The following STAU2 variants were observed in gnomAD, a reference collection of about 807,000 sequenced individuals.
The protein encoded by STAU2 is double-stranded RNA-binding protein Staufen homolog 2.
In STAU2, 20 loss-of-function variants were observed where a neutral mutation model predicts 65.9. That is an observed-to-expected ratio of 0.30 (90% CI 0.21 to 0.44). The LOEUF (loss-of-function observed/expected upper bound fraction) is 0.44. Among genes scored for constraint, STAU2 ranks in the 20% least tolerant of loss-of-function variants. The probability of loss-of-function intolerance (pLI) is 1.00; values close to 1 mark genes in which losing one functional copy is unlikely to be tolerated. For missense variants in STAU2, 558 were observed against 683.9 expected, an observed-to-expected ratio of 0.82 and a Z score of 2.05; for synonymous variants, 232 against 233.9, an observed-to-expected ratio of 0.99 and a Z score of 0.07.
intron 3 of STAU2, among the ~76,000 whole-genome samples, chr8:73,725,760 C>A (rs767886213): frequency 2.0e-5 from 3 of 152,266 alleles, no homozygotes; most frequent in Non-Finnish European, 2.9e-5. Context: ...TGGCAAAACA[C>A]CTTCTCAACA....
chr8:73,588,702 T>C (rs1051345506), intron 11 of STAU2, among the ~76,000 whole-genome samples: 20 of 152,184 alleles, frequency 1.3e-4, no homozygotes, highest in African/African-American at 4.6e-4. Flanking sequence ...AAAAGCTATA[T>C]GCTCCTGGGG....
At chr8:73,589,921 GGAGGAA>G (rs1466595433) in intron 11 of STAU2, among the ~76,000 whole-genome samples, 12 of 151,730 alleles carry the variant, frequency 7.9e-5, no homozygotes, top group African/African-American at 2.7e-4. Flanking sequence ...AGAAGCAGGA[GGAGGAA>G]GAGGAAGAGG....
At chr8:73,490,784 G>A (rs1490960055) in intron 13 of STAU2, among the ~76,000 whole-genome samples, 4 of 151,878 alleles carry the variant, frequency 2.6e-5, no homozygotes, top group African/African-American at 9.7e-5. Flanking sequence ...TCCTTCTAAA[G>A]TAGGAAATTT....
chr8:73,716,788 G>A (rs1222988467), intron 3 of STAU2, among the ~76,000 whole-genome samples: 1 of 151,940 alleles, frequency 6.6e-6, no homozygotes, highest in Non-Finnish European at 1.5e-5. Flanking sequence ...ACAAGTTACT[G>A]ATTAGACATA....
chr8:73,639,356 C>A (rs1334010764), intron 6 of STAU2, among the ~76,000 whole-genome samples: 2 of 152,068 alleles, frequency 1.3e-5, no homozygotes, highest in African/African-American at 2.4e-5. Context: ...TTTCTATGCT[C>A]TTTGAAGGGA....
chr8:73,548,850 G>C (rs1327066716), intron 13 of STAU2, among the ~76,000 whole-genome samples: 1 of 152,160 alleles, frequency 6.6e-6, no homozygotes, highest in East Asian at 1.9e-4. Context: ...GGGACGATTT[G>C]CTAAAATAAT....
intron 13 of STAU2, among the ~76,000 whole-genome samples, chr8:73,511,816 T>G (rs1822421352): frequency 6.6e-6 from 1 of 152,228 alleles, no homozygotes; most frequent in Non-Finnish European, 1.5e-5. Context: ...GTGTCATATC[T>G]AAGAACTCTT....
At chr8:73,717,310 T>C (rs1821317712) in intron 3 of STAU2, among the ~76,000 whole-genome samples, 1 of 151,074 alleles carries the variant, frequency 6.6e-6, no homozygotes, top group East Asian at 2.0e-4. Context: ...TTATAGTTTG[T>C]ACTTTTAATG....
chr8:73,442,121 G>T (rs1388178686), intron 13 of STAU2, among the ~76,000 whole-genome samples: 1 of 152,236 alleles, frequency 6.6e-6, no homozygotes, highest in South Asian at 2.1e-4. Flanking sequence ...TTGGGAGGCC[G>T]AGGTGGGCGG....
chr8:73,446,972 T>G (rs1818502474), intron 13 of STAU2, among the ~76,000 whole-genome samples: 1 of 152,210 alleles, frequency 6.6e-6, no homozygotes, highest in East Asian at 1.9e-4. Context: ...GACACAGTCT[T>G]GCTCTGTCAC....
At chr8:73,466,593 A>C (rs1025986578) in intron 13 of STAU2, among the ~76,000 whole-genome samples, 26 of 152,166 alleles carry the variant, frequency 1.7e-4, no homozygotes, top group Non-Finnish European at 2.9e-4. Flanking sequence ...TCCTTCCTTA[A>C]AGGCCTGTTT....
intron 3 of STAU2, among the ~76,000 whole-genome samples, chr8:73,731,768 T>C (rs748519351): frequency 1.3e-5 from 2 of 151,826 alleles, no homozygotes; most frequent in Non-Finnish European, 2.9e-5. Context: ...TGAAACCCCA[T>C]CTCTACTAAA....
intron 13 of STAU2, among the ~76,000 whole-genome samples, chr8:73,503,152 A>G (rs974824131): frequency 2.6e-5 from 4 of 152,152 alleles, no homozygotes; most frequent in Non-Finnish European, 5.9e-5. Flanking sequence ...AAAGGTCTGA[A>G]TGACAGGTGC....
chr8:73,434,217 C>G (rs1338647363), intron 13 of STAU2, among the ~76,000 whole-genome samples: 1 of 145,892 alleles, frequency 6.9e-6, no homozygotes, highest in Non-Finnish European at 1.5e-5. Flanking sequence ...TTCTAGAGGC[C>G]ACTCACATTC....
chr8:73,693,752 C>A lies in STAU2; in HGVS notation c.115-4939G>T, dbSNP rs186393577. Reference sequence around the variant, plus strand: ...GAGACACACTGTTTATGAATTTAAGCCTTGGCTTCGCCATTTACTATGTAC... The same window carrying A: ...GAGACACACTGTTTATGAATTTAAGACTTGGCTTCGCCATTTACTATGTAC... On this transcript the variant is annotated intron_variant, in intron 4 of 14. Coordinates refer to ENST00000524300, the MANE Select transcript of STAU2 (RefSeq NM_001164380.2). Among the ~76,000 whole-genome samples, 9 of 152,332 alleles carry A rather than the reference C, an allele frequency of 5.9e-5. No homozygotes were observed. The East Asian group carries it at 1.7e-3, about 29-fold the overall frequency.
intron 3 of STAU2, among the ~76,000 whole-genome samples, chr8:73,712,167 C>T (rs1820946279): frequency 6.6e-6 from 1 of 152,084 alleles, no homozygotes; most frequent in Non-Finnish European, 1.5e-5. Flanking sequence ...TATGCATTTT[C>T]AAAGACCTAT....
rs547083593 is a variant in STAU2 at position 73,695,626 on chromosome 8, C to T, written c.115-6813G>A. Among the ~76,000 whole-genome samples, 12 of 152,270 alleles carry T rather than the reference C, an allele frequency of 7.9e-5. No homozygotes were observed. In the East Asian group the frequency reaches 2.3e-3, roughly 29 times the overall value. On this transcript the variant is annotated intron_variant, in intron 4 of 14. Transcript: ENST00000524300. ...CTTGTGCCCTAGGTACCAGCTCAGC[C>T]ACAGCAGGAAGAGCAAAAAGCAGGC...
chr8:73,455,351 C>T (rs1819004573), intron 13 of STAU2, among the ~76,000 whole-genome samples: 1 of 152,160 alleles, frequency 6.6e-6, no homozygotes, highest in African/African-American at 2.4e-5. Context: ...CTACTACTCT[C>T]TCAGGGGCTG....
chr8:73,599,842 A>C (rs191499189), intron 10 of STAU2, among the ~76,000 whole-genome samples: 129 of 151,678 alleles, frequency 8.5e-4, no homozygotes, highest in African/African-American at 3.1e-3. Context: ...AACTCGGCTC[A>C]CTGCAAGCTC....
Sources: allele counts gnomAD v4.1 joint callset (sites outside exome capture counted in the v4.1 genomes callset), GRCh38; gene constraint gnomAD v4.1.1; transcripts MANE v1.5; gene names NCBI Gene and HGNC (gene_info 2026-07-23, HGNC 2026-07-21).